CACNA1C: variants seen among roughly 807,000 people sequenced by gnomAD.
The protein encoded by CACNA1C is calcium voltage-gated channel subunit alpha1 C, also known as voltage-dependent L-type calcium channel subunit alpha-1C.
In CACNA1C, 30 loss-of-function variants were observed where a neutral mutation model predicts 229.0. That is an observed-to-expected ratio of 0.13 (90% confidence interval 0.10 to 0.18). The LOEUF (loss-of-function observed/expected upper bound fraction) is 0.18, where lower values mean the gene tolerates loss of function less well. CACNA1C is among the 10% of genes least tolerant of loss of function. The pLI is 1.00. For missense variants in CACNA1C, 1,658 were observed against 2,845.0 expected, an observed-to-expected ratio of 0.58 and a Z score of 9.49; for synonymous variants, 1,114 against 1,132.5, an observed-to-expected ratio of 0.98 and a Z score of 0.33.
chr12:2,624,604 G>A (rs1269184451), intron 29 of CACNA1C, among the ~76,000 whole-genome samples: 1 of 152,194 alleles, frequency 6.6e-6, no homozygotes, highest in Non-Finnish European at 1.5e-5. Context: ...TCTTGGGCTA[G>A]GTCTTCAATC....
At position 2,346,672 on chromosome 12, in the gene CACNA1C, A is replaced by T. The variant is rs2097038210; in HGVS notation, c.478-102304A>T. Among the ~76,000 whole-genome samples the T allele has an allele frequency of 6.6e-6, 1 of 152,196 alleles. No homozygotes were observed. Among genetic ancestry groups the T allele is most frequent in the Non-Finnish European group, 1.5e-5 (1 of 68,034 alleles). On this transcript the variant is annotated intron_variant, in intron 3 of 46. Coordinates refer to ENST00000399655, the MANE Select transcript of CACNA1C (RefSeq NM_000719.7). The surrounding 1 kb of genome is among the most constrained non-coding windows in gnomAD (Gnocchi z 4.4). ...TGCATCGTCCACCGTGATGAAGTACAGGCTTTGCCAGGGCTTAGCAGGGGG... is the reference window on the plus strand; with the variant it reads ...TGCATCGTCCACCGTGATGAAGTACTGGCTTTGCCAGGGCTTAGCAGGGGG...
At chr12:2,135,189 A>T (rs1169510171) in intron 3 of CACNA1C, among the ~76,000 whole-genome samples, 1 of 144,770 alleles carries the variant, frequency 6.9e-6, no homozygotes, top group Non-Finnish European at 1.5e-5. Context: ...TGTATTGGTT[A>T]TTCTAGTTAT....
intron 29 of CACNA1C, among the ~76,000 whole-genome samples, chr12:2,627,268 T>A (rs2087284765): frequency 6.6e-6 from 1 of 152,200 alleles, no homozygotes; most frequent in African/African-American, 2.4e-5. Flanking sequence ...AGTTATGCCT[T>A]CTCCATTAGG....
chr12:2,436,797 A>G (rs2099139282), intron 3 of CACNA1C, among the ~76,000 whole-genome samples: 1 of 152,248 alleles, frequency 6.6e-6, no homozygotes, highest in South Asian at 2.1e-4. Flanking sequence ...TTTCACAATA[A>G]GGAAATTTTA....
At chr12:2,185,941 G>A (rs2096986255) in intron 3 of CACNA1C, among the ~76,000 whole-genome samples, 1 of 152,020 alleles carries the variant, frequency 6.6e-6, no homozygotes, top group South Asian at 2.1e-4. Context: ...CGTGCCGAGC[G>A]CCCAATGCAC....
chr12:2,154,640 C>T (rs1391963239), intron 3 of CACNA1C, among the ~76,000 whole-genome samples: 1 of 152,152 alleles, frequency 6.6e-6, no homozygotes, highest in Non-Finnish European at 1.5e-5. Context: ...GGGAAGAAGT[C>T]ACTGAAGGTT....
intron 3 of CACNA1C, among the ~76,000 whole-genome samples, chr12:2,174,286 C>A (rs2096582250): frequency 6.6e-6 from 1 of 152,076 alleles, no homozygotes; most frequent in Non-Finnish European, 1.5e-5. Flanking sequence ...GAAAGCAAGT[C>A]CCTATAGTCA....
chr12:2,332,852 G>A (rs555490702), intron 3 of CACNA1C, among the ~76,000 whole-genome samples: 2 of 152,306 alleles, frequency 1.3e-5, no homozygotes, highest in African/African-American at 4.8e-5. Context: ...AAGCCAAAAT[G>A]TGGAGTATAC....
chr12:2,668,671 G>A, intron 37 of CACNA1C: 1 of 424,386 alleles, frequency 2.4e-6, no homozygotes, highest in Non-Finnish European at 4.3e-6. Context: ...AGAGAGAAGG[G>A]GGAGGGACCA....
At chr12:2,424,704 C>A (rs2099012163) in intron 3 of CACNA1C, among the ~76,000 whole-genome samples, 1 of 152,200 alleles carries the variant, frequency 6.6e-6, no homozygotes, top group South Asian at 2.1e-4. Context: ...GCCTGCCTCC[C>A]TCTCCCAATT....
chr12:2,652,778 C>T (rs1342656227), intron 32 of CACNA1C, among the ~76,000 whole-genome samples: 1 of 152,268 alleles, frequency 6.6e-6, no homozygotes, highest in Non-Finnish European at 1.5e-5. Context: ...CTGAGCCCAG[C>T]TCAGCCCAGG....
chr12:2,181,045 C>T lies in CACNA1C; in HGVS notation c.477+60615C>T, dbSNP rs565395586. 1.4e-4 allele frequency among the ~76,000 whole-genome samples: 22 copies of T among 152,250 alleles called. No individual in the cohort carries two copies. The highest frequency in any genetic ancestry group is 5.3e-4 in the African/African-American group (22 of 41,552). On this transcript the variant is annotated intron_variant, in intron 3 of 46. Transcript: ENST00000399655. This position sits in a 1 kb window ranked among gnomAD's most constrained non-coding sequence, Gnocchi z 4.0. ...TGCACTCCCCTATTACGTGTTTGGG[C>T]AACTGAGTTTTGGAACCTACATATC...
At chr12:2,089,333 G>T (rs1163019097) in intron 1 of CACNA1C, among the ~76,000 whole-genome samples, 1 of 152,204 alleles carries the variant, frequency 6.6e-6, no homozygotes, top group Non-Finnish European at 1.5e-5. Context: ...TAATTTGCAT[G>T]AAGCTAGGAA....
chr12:1,979,644 C>G (rs1371165486), intron 1 of CACNA1C, among the ~76,000 whole-genome samples: 1 of 152,228 alleles, frequency 6.6e-6, no homozygotes, highest in Non-Finnish European at 1.5e-5. Flanking sequence ...ACGAACGGAA[C>G]TTGTTGGATC....
intron 1 of CACNA1C, chr12:2,004,541 G>T: frequency 6.8e-7 from 1 of 1,464,852 alleles, no homozygotes; most frequent in Non-Finnish European, 9.1e-7. Flanking sequence ...CACACGGCCC[G>T]GGAGGCCTTC....
At chr12:2,083,236 A>C (rs901006937) in intron 1 of CACNA1C, among the ~76,000 whole-genome samples, 1 of 152,250 alleles carries the variant, frequency 6.6e-6, no homozygotes, top group Non-Finnish European at 1.5e-5. Flanking sequence ...CCTGGTGGAC[A>C]GATGGTGTCT....
chr12:2,564,777 A>G (rs149137429), intron 11 of CACNA1C, among the ~76,000 whole-genome samples: 3 of 152,228 alleles, frequency 2.0e-5, no homozygotes, highest in Non-Finnish European at 4.4e-5. Flanking sequence ...CATCTTTTCC[A>G]TTAATATAGC....
In CACNA1C at chr12:2,371,624, A is replaced by G. The variant is rs186225496; in HGVS notation, c.478-77352A>G. ...ACTTTGAGAACCATCTCCTTAGGTC[A>G]AGAGCAAGAAATAAGGAGATATTCT... On this transcript the variant is annotated intron_variant, in intron 3 of 46. Transcript: ENST00000399655. 1.7e-4 allele frequency among the ~76,000 whole-genome samples: 26 copies of G among 152,220 alleles called. 1 individual carries two copies. The East Asian group carries it at 3.9e-3, about 23-fold the overall frequency.
intron 9 of CACNA1C, among the ~76,000 whole-genome samples, chr12:2,522,755 C>T (rs2099812409): frequency 6.6e-6 from 1 of 152,112 alleles, no homozygotes. Flanking sequence ...GGGGCAGAGG[C>T]ATGAGAGGGG....
Sources: gnomAD v4.1 joint callset for allele counts (sites outside exome capture counted in the v4.1 genomes callset) on GRCh38, gnomAD v4.1.1 for gene constraint, Gnocchi (gnomAD v3.1) non-coding constraint, MANE v1.5 for transcripts, NCBI Gene and HGNC (gene_info 2026-07-23, HGNC 2026-07-21) for gene names.